SWT1: variants seen among roughly 807,000 people sequenced by gnomAD.
SWT1 encodes transcriptional protein SWT1.
SWT1 carries 33 observed loss-of-function variants against 107.3 expected under a neutral mutation model. The observed-to-expected ratio is 0.31, with a 90% confidence interval of 0.23 to 0.41. SWT1 has a LOEUF of 0.41. Among genes scored for constraint, SWT1 ranks in the 10% least tolerant of loss-of-function variants. SWT1 has a pLI of 1.00. For synonymous variants in SWT1, 345 were observed against 348.3 expected, an observed-to-expected ratio of 0.99 and a Z score of 0.11; for missense variants, 898 against 1,028.9, an observed-to-expected ratio of 0.87 and a Z score of 1.74.
Position 185,233,527 on chromosome 1 carries a change from A to G in SWT1, c.2441+1819A>G, listed in dbSNP as rs563339548. ...CTTTGTTCTCATTGGTTTCAAAAAG[A>G]ATATCTTTATTTCTGCCTTCATTTC... On this transcript the variant is annotated intron_variant, in intron 16 of 18. Coordinates refer to ENST00000367500, the MANE Select transcript of SWT1 (RefSeq NM_017673.7). Among the ~76,000 whole-genome samples the G allele has an allele frequency of 9.9e-5, 15 of 152,218 alleles. No homozygotes were observed. In the South Asian group the frequency reaches 3.1e-3, roughly 32 times the overall value.
At position 185,182,141 on chromosome 1, in the gene SWT1, A is replaced by T. The variant is rs1184034825; in HGVS notation, c.1138+84A>T. On this transcript the variant is annotated intron_variant, in intron 7 of 18. Transcript: ENST00000367500. ...AATATTCAATTTTTATAATATTTAG[A>T]TGAAAAATGTTAAAATGTGCTCACT... The T allele has an allele frequency of 2.2e-6, 3 of 1,373,450 alleles. No individual in the cohort carries two copies. The Admixed American group carries it at 6.6e-5, about 30-fold the overall frequency. The allele number at this position is 1,373,450 out of a possible 1,614,324, so 85.1% of individuals were successfully genotyped here.
chr1:185,209,593 A>G (rs2102479819), intron 13 of SWT1, among the ~76,000 whole-genome samples: 1 of 152,256 alleles, frequency 6.6e-6, no homozygotes, highest in Non-Finnish European at 1.5e-5. Flanking sequence ...CATGGTGTAT[A>G]TGTGCCACAT....
intron 14 of SWT1, among the ~76,000 whole-genome samples, chr1:185,215,657 GC>G (rs1266677271): frequency 6.6e-6 from 1 of 152,034 alleles, no homozygotes; most frequent in East Asian, 1.9e-4. Context: ...TTCCACGTCA[GC>G]CCCCCGAATA....
At chr1:185,164,896 A>T (rs1199598649) in intron 2 of SWT1, among the ~76,000 whole-genome samples, 2 of 152,190 alleles carry the variant, frequency 1.3e-5, no homozygotes, top group African/African-American at 2.4e-5. Flanking sequence ...CTTTGCATTC[A>T]TAACTTGTCT....
rs140829619 is a variant in SWT1, at chr1:185,231,599, G to C, written c.2332G>C (p.Gly778Arg). 1.9e-6 allele frequency: 3 copies of C among 1,608,878 alleles called. No homozygotes were observed. Among genetic ancestry groups the C allele is most frequent in the Non-Finnish European group, 2.5e-6 (3 of 1,176,616 alleles). The change falls in exon 16 of 19, where the codon GGC becomes CGC. Residue 778 changes from glycine (G) to arginine (R), a missense_variant. By Grantham distance (125) the Gly-to-Arg change is moderately radical (BLOSUM62 -2). Coordinates refer to ENST00000367500, the MANE Select transcript of SWT1 (RefSeq NM_017673.7). ...TAGCACGGATGTATTTCAAAGATTG[G>C]GCTCAAATTCAGCTCTGACTACTTC... is the stretch of plus-strand genomic sequence containing the variant. ...QNSTDVFQRL[G>R]SNSALTTSNI...
At chr1:185,238,553 G>A (rs1338496620) in intron 16 of SWT1, among the ~76,000 whole-genome samples, 1 of 152,118 alleles carries the variant, frequency 6.6e-6, no homozygotes, top group Non-Finnish European at 1.5e-5. Context: ...CAGGGGATTT[G>A]TATGCAGGTG....
intron 13 of SWT1, among the ~76,000 whole-genome samples, chr1:185,209,415 C>T (rs1298973856): frequency 6.6e-6 from 1 of 152,088 alleles, no homozygotes; most frequent in African/African-American, 2.4e-5. Context: ...TGATGTTCCC[C>T]TCCCTGTGTC....
intron 18 of SWT1, among the ~76,000 whole-genome samples, chr1:185,284,485 T>A (rs1664833246): frequency 6.6e-6 from 1 of 152,172 alleles, no homozygotes; most frequent in Admixed American, 6.5e-5. Context: ...GCACAAAATA[T>A]AATTTAAAGA....
chr1:185,284,889 CT>C (rs111492496), intron 18 of SWT1, among the ~76,000 whole-genome samples: 328 of 141,770 alleles, frequency 2.3e-3, no homozygotes, highest in Non-Finnish European at 2.2e-3. Context: ...AGATAAGTGT[CT>C]TTTTTTTTTT....
At chr1:185,251,942 C>A (rs1331847082) in intron 16 of SWT1, among the ~76,000 whole-genome samples, 4 of 151,924 alleles carry the variant, frequency 2.6e-5, no homozygotes, top group Admixed American at 6.6e-5. Context: ...TATCCCTCCC[C>A]CCTCCACCCA....
At chr1:185,220,021 G>A (rs1046180352) in intron 14 of SWT1, among the ~76,000 whole-genome samples, 1 of 151,052 alleles carries the variant, frequency 6.6e-6, no homozygotes, top group Non-Finnish European at 1.5e-5. Flanking sequence ...GGCTTGCACC[G>A]CTGGTCCCAG....
intron 4 of SWT1, among the ~76,000 whole-genome samples, chr1:185,171,064 C>G (rs970411150): frequency 6.6e-6 from 1 of 152,148 alleles, no homozygotes; most frequent in African/African-American, 2.4e-5. Context: ...CTACATCTCC[C>G]CACCCTCATC....
intron 16 of SWT1, among the ~76,000 whole-genome samples, chr1:185,270,491 C>T (rs577942504): frequency 1.2e-3 from 181 of 152,194 alleles, no homozygotes; most frequent in African/African-American, 4.2e-3. Flanking sequence ...CCCTTGAGTC[C>T]AGACGTTTGA....
intron 5 of SWT1, chr1:185,176,455 G>A (rs1655567941): frequency 1.9e-6 from 1 of 526,306 alleles, no homozygotes; most frequent in Admixed American, 6.4e-5. Flanking sequence ...AGGGATCTAG[G>A]CTAGAAAGCT....
intron 16 of SWT1, among the ~76,000 whole-genome samples, chr1:185,232,830 T>C (rs1660594305): frequency 6.6e-6 from 1 of 152,148 alleles, no homozygotes; most frequent in Non-Finnish European, 1.5e-5. Context: ...TGTAAGGAAA[T>C]TTTTTTAATT....
At chr1:185,243,836 T>C (rs1031510502) in intron 16 of SWT1, among the ~76,000 whole-genome samples, 1 of 152,204 alleles carries the variant, frequency 6.6e-6, no homozygotes, top group African/African-American at 2.4e-5. Flanking sequence ...ATATATTTTC[T>C]CCAGCCAAAT....
chr1:185,238,913 A>AT (rs1352021438), intron 16 of SWT1, among the ~76,000 whole-genome samples: 7 of 152,150 alleles, frequency 4.6e-5, no homozygotes, highest in African/African-American at 1.7e-4. Context: ...TAAATTTAAA[A>AT]TTAAATATTG....
chr1:185,241,999 T>C (rs1187459604), intron 16 of SWT1, among the ~76,000 whole-genome samples: 1 of 152,166 alleles, frequency 6.6e-6, no homozygotes, highest in Non-Finnish European at 1.5e-5. Context: ...TTGATTACTT[T>C]ATCAACTATA....
At chr1:185,274,259 T>A (rs1335097709) in intron 17 of SWT1, among the ~76,000 whole-genome samples, 3 of 148,620 alleles carry the variant, frequency 2.0e-5, no homozygotes, top group African/African-American at 7.3e-5. Context: ...TATATATAGA[T>A]GTCAGATATA....
Sources: gnomAD v4.1 joint callset for allele counts (sites outside exome capture counted in the v4.1 genomes callset) on GRCh38, gnomAD v4.1.1 for gene constraint, MANE v1.5 for transcripts, NCBI Gene and HGNC (gene_info 2026-07-23, HGNC 2026-07-21) for gene names.